The following PSD3 variants were observed in gnomAD, a reference collection of about 807,000 sequenced individuals.
The protein encoded by PSD3 is pleckstrin and Sec7 domain containing 3, also known as PH and SEC7 domain-containing protein 3.
Under a neutral mutation model 105.5 loss-of-function variants are expected in PSD3, and 49 were observed. The ratio of observed to expected loss-of-function variants is 0.46; its 90% confidence interval spans 0.37 to 0.59. The LOEUF is 0.59. Ranked by LOEUF, PSD3 falls within the 20% of genes least tolerant of loss-of-function variation. The pLI is 0.00. For missense variants in PSD3, 1,561 were observed against 1,263.8 expected (o/e 1.24, Z -3.57); for synonymous variants, 557 against 457.8 (o/e 1.22, Z -2.77).
chr8:18,738,463 T>G (rs1294360975), intron 9 of PSD3, among the ~76,000 whole-genome samples: 1 of 152,208 alleles, frequency 6.6e-6, no homozygotes, highest in African/African-American at 2.4e-5. Context: ...CTATGATGTT[T>G]ATACTGTGAA....
In PSD3 at chr8:18,559,595, G is replaced by A. The variant is rs145010760; in HGVS notation, c.2785-3243C>T. Among the ~76,000 whole-genome samples the A allele has an allele frequency of 4.4e-4, 66 of 149,786 alleles. No homozygotes were observed. In the East Asian group the frequency reaches 0.011, roughly 26 times the overall value. ...ATCCAGTTTATTTAAGAAAAAATAGGATTTTAGGTAATTTGGTAAAAGAAT... is the reference window on the plus strand; with the variant it reads ...ATCCAGTTTATTTAAGAAAAAATAGAATTTTAGGTAATTTGGTAAAAGAAT... On this transcript the variant is annotated intron_variant, in intron 14 of 15. Coordinates refer to ENST00000327040, the MANE Select transcript of PSD3 (RefSeq NM_015310.4).
Position 19,035,220 on chromosome 8 carries a change from T to C in PSD3, c.324+48986A>G, listed in dbSNP as rs374113274. On this transcript the variant is annotated intron_variant, in intron 1 of 1. Coordinates refer to the PSD3 transcript ENST00000521475. Reference sequence around the variant, plus strand: ...ATCTTAAACATATTATAGCACTACATAATAATGATTTATTGCCCAAACTGA... The same window carrying C: ...ATCTTAAACATATTATAGCACTACACAATAATGATTTATTGCCCAAACTGA... Among the ~76,000 whole-genome samples, 19 of 152,342 alleles carry C rather than the reference T, an allele frequency of 1.2e-4. No individual in the cohort carries two copies. In the South Asian group the frequency reaches 3.9e-3, roughly 32 times the overall value.
intron 9 of PSD3, among the ~76,000 whole-genome samples, chr8:18,717,747 A>G (rs1403445705): frequency 6.6e-6 from 1 of 152,208 alleles, no homozygotes; most frequent in East Asian, 1.9e-4. Context: ...AAAACAAAAT[A>G]TTCCCTTTGC....
intron 2 of PSD3, among the ~76,000 whole-genome samples, chr8:18,915,649 C>T (rs879757184): frequency 3.9e-5 from 6 of 152,042 alleles, no homozygotes; most frequent in Admixed American, 3.9e-4. Flanking sequence ...AATCATCATC[C>T]AGAAAAAGCA....
intron 2 of PSD3, among the ~76,000 whole-genome samples, chr8:18,931,427 G>GTTT (rs1362391541): frequency 1.3e-5 from 2 of 152,102 alleles, no homozygotes; most frequent in African/African-American, 4.8e-5. Flanking sequence ...AAGCACCTTA[G>GTTT]TTATTCATAC....
chr8:18,952,098 T>G (rs1395767023), intron 1 of PSD3, among the ~76,000 whole-genome samples: 1 of 152,146 alleles, frequency 6.6e-6, no homozygotes, highest in Admixed American at 6.5e-5. Context: ...AATGGGTGGA[T>G]GCCAGTCACC....
chr8:18,716,963 C>T (rs754263072), intron 9 of PSD3, among the ~76,000 whole-genome samples: 2 of 152,192 alleles, frequency 1.3e-5, no homozygotes, highest in African/African-American at 4.8e-5. Flanking sequence ...TGGACACCCA[C>T]CTCTTGCCAG....
chr8:18,698,471 T>C (rs573019940), intron 9 of PSD3, among the ~76,000 whole-genome samples: 1 of 151,974 alleles, frequency 6.6e-6, no homozygotes, highest in South Asian at 2.1e-4. Context: ...GAAGACGGGA[T>C]GACAGAAGCA....
intron 9 of PSD3, among the ~76,000 whole-genome samples, chr8:18,739,320 T>C (rs1346111853): frequency 6.6e-6 from 1 of 152,144 alleles, no homozygotes; most frequent in African/African-American, 2.4e-5. Context: ...AAAAAATAGG[T>C]GTTCCCATAC....
chr8:18,656,766 C>T (rs4921945), intron 9 of PSD3, among the ~76,000 whole-genome samples: 60,544 of 151,510 alleles, frequency 0.4, 12,605 homozygotes, highest in African/African-American at 0.51. Flanking sequence ...TGCAGTGCAG[C>T]GACTATTCAT....
At chr8:18,973,821 G>A (rs529401003) in intron 1 of PSD3, among the ~76,000 whole-genome samples, 1 of 152,264 alleles carries the variant, frequency 6.6e-6, no homozygotes, top group African/African-American at 2.4e-5. Context: ...TTAAACTATA[G>A]AATATGAGTT....
intron 15 of PSD3, among the ~76,000 whole-genome samples, chr8:18,543,962 G>A (rs1031167852): frequency 6.6e-6 from 1 of 152,004 alleles, no homozygotes; most frequent in African/African-American, 2.4e-5. Context: ...CAGCTGGGCT[G>A]CAATTTTAAC....
At chr8:18,880,314 TC>T (rs1041131094) in intron 2 of PSD3, among the ~76,000 whole-genome samples, 2 of 152,220 alleles carry the variant, frequency 1.3e-5, no homozygotes, top group African/African-American at 4.8e-5. Flanking sequence ...ATTCACGCAT[TC>T]AGCAAATATT....
rs139747476 is a variant in PSD3 at position 18,973,089 on chromosome 8, C to A, written c.22-36947G>T. On this transcript the variant is annotated intron_variant, in intron 1 of 15. Coordinates refer to ENST00000327040, the MANE Select transcript of PSD3 (RefSeq NM_015310.4). The stretch of plus-strand genomic sequence containing the variant: ...TCGATGGACTACCTCACACAATCTG[C>A]GATTCCACTGTAAGGGCAGTGTCCG... Among the ~76,000 whole-genome samples the A allele has an allele frequency of 1.1e-4, 17 of 152,268 alleles. 1 individual carries two copies. In the East Asian group the frequency reaches 3.1e-3, roughly 28 times the overall value.
intron 8 of PSD3, among the ~76,000 whole-genome samples, chr8:18,778,106 G>A (rs994788004): frequency 4.6e-5 from 7 of 152,116 alleles, no homozygotes; most frequent in African/African-American, 1.4e-4. Flanking sequence ...TAAGTACAGG[G>A]ATGCCCTATA....
intron 9 of PSD3, among the ~76,000 whole-genome samples, chr8:18,688,809 C>A (rs529738916): frequency 6.6e-6 from 1 of 152,284 alleles, no homozygotes; most frequent in African/African-American, 2.4e-5. Flanking sequence ...CATTTATAGA[C>A]ATGAGCCAGC....
chr8:19,075,398 C>T (rs980522189), intron 1 of PSD3, among the ~76,000 whole-genome samples: 1 of 152,256 alleles, frequency 6.6e-6, no homozygotes, highest in Non-Finnish European at 1.5e-5. Context: ...GCACTGCACC[C>T]AGCCTATAAA....
At chr8:19,083,284 C>T (rs187469474) in intron 1 of PSD3, among the ~76,000 whole-genome samples, 2 of 152,202 alleles carry the variant, frequency 1.3e-5, no homozygotes, top group Non-Finnish European at 2.9e-5. Context: ...GTTTTGTCCA[C>T]CCAATTTGAG....
chr8:19,039,356 T>A (rs975095), intron 1 of PSD3, among the ~76,000 whole-genome samples: 107,744 of 152,056 alleles, frequency 0.71, 38,848 homozygotes, highest in African/African-American at 0.85. Flanking sequence ...ATGATATCTG[T>A]ATCTGCATGT....
Sources: gnomAD v4.1 joint callset for allele counts (sites outside exome capture counted in the v4.1 genomes callset) on GRCh38, gnomAD v4.1.1 for gene constraint, MANE v1.5 for transcripts, NCBI Gene and HGNC (gene_info 2026-07-23, HGNC 2026-07-21) for gene names.